The following CYRIB variants were observed in gnomAD, a reference collection of about 807,000 sequenced individuals.
The protein encoded by CYRIB is CYFIP related Rac1 interactor B.
Under a neutral mutation model 44.2 loss-of-function variants are expected in CYRIB, and 8 were observed. The observed-to-expected ratio is 0.18, with a 90% CI of 0.11 to 0.33. The LOEUF is 0.33. Ranked by LOEUF, CYRIB falls within the 10% of genes least tolerant of loss-of-function variation. The probability of loss-of-function intolerance (pLI) is 1.00; values close to 1 mark genes in which losing one functional copy is unlikely to be tolerated. For synonymous variants in CYRIB, 131 were observed against 127.2 expected (o/e 1.03, Z -0.20); for missense variants, 185 against 382.8 (o/e 0.48, Z 4.31).
chr8:129,881,846 T>C (rs1023915485), intron 2 of CYRIB, among the ~76,000 whole-genome samples: 2 of 152,232 alleles, frequency 1.3e-5, no homozygotes, highest in African/African-American at 4.8e-5. Flanking sequence ...AATTACTGTA[T>C]ACATTGTAAA....
chr8:129,857,042 G>T (rs2046542256), intron 5 of CYRIB, among the ~76,000 whole-genome samples: 1 of 152,166 alleles, frequency 6.6e-6, no homozygotes, highest in Non-Finnish European at 1.5e-5. Context: ...ACCAGGTACT[G>T]AACTATTTCT....
rs1484142580 is a variant in CYRIB, at chr8:129,850,820, T to C, written c.713+15A>G. 6.3e-7 allele frequency: 1 copy of C among 1,589,348 alleles called. No individual in the cohort carries two copies. Among genetic ancestry groups the C allele is most frequent in the African/African-American group, 1.3e-5 (1 of 74,436 alleles). On this transcript the variant is annotated intron_variant, in intron 9 of 11. Coordinates refer to ENST00000519824, the Ensembl canonical transcript of CYRIB. Reference sequence around the variant, plus strand: ...AACAGCACTGTTAAAGTGAAAAAGATCAGCTGATACTCACGGTGTTTCCAG... The same window carrying C: ...AACAGCACTGTTAAAGTGAAAAAGACCAGCTGATACTCACGGTGTTTCCAG...
At chr8:129,849,656 C>A in intron 9 of CYRIB, 1 of 242,460 alleles carries the variant, frequency 4.1e-6, no homozygotes, top group Non-Finnish European at 8.1e-6. Context: ...TAACATTATG[C>A]CCCTTACTCC....
At chr8:129,952,947 T>A (rs1487032838) in intron 2 of CYRIB, among the ~76,000 whole-genome samples, 2 of 152,228 alleles carry the variant, frequency 1.3e-5, no homozygotes, top group Non-Finnish European at 2.9e-5. Context: ...CTTGGAACTG[T>A]TACGTGTTAC....
At chr8:129,893,298 G>A (rs564519998) in intron 2 of CYRIB, among the ~76,000 whole-genome samples, 1 of 152,258 alleles carries the variant, frequency 6.6e-6, no homozygotes, top group South Asian at 2.1e-4. Flanking sequence ...TCTGCCAATG[G>A]CTATGATGAA....
intron 3 of CYRIB, among the ~76,000 whole-genome samples, chr8:129,872,149 A>G (rs79699211): frequency 6.6e-6 from 1 of 152,146 alleles, no homozygotes; most frequent in African/African-American, 2.4e-5. Flanking sequence ...GATGAACAGA[A>G]GGTCAAGAAT....
intron 2 of CYRIB, among the ~76,000 whole-genome samples, chr8:129,968,809 A>AT (rs1198289265): frequency 6.6e-6 from 1 of 152,058 alleles, no homozygotes; most frequent in Non-Finnish European, 1.5e-5. Flanking sequence ...TTCTCCAAGT[A>AT]TTGAAGTTTT....
At chr8:129,850,326 A>C (rs1407349564) in intron 9 of CYRIB, 2 of 159,444 alleles carry the variant, frequency 1.3e-5, no homozygotes, top group Non-Finnish European at 2.7e-5. Flanking sequence ...CATACATCAT[A>C]AATGTTTAGA....
Position 130,010,535 on chromosome 8 carries a change from C to G in CYRIB, c.-296+5835G>C, listed in dbSNP as rs545816017. 1.1e-4 allele frequency among the ~76,000 whole-genome samples: 16 copies of G among 152,268 alleles called. 1 individual carries two copies. Among genetic ancestry groups the G allele is most frequent in the South Asian group, 1.0e-3 (5 of 4,832 alleles). ...TCAGCTCACACTGCCTCTCCTCCCC[C>G]GCTCCCTGAAGGCAGCCCCATCTCA... is the stretch of plus-strand genomic sequence containing the variant. On this transcript the variant is annotated intron_variant, in intron 1 of 14. Transcript: ENST00000401979.
chr8:129,923,531 T>TCTG (rs2085231724), intron 1 of CYRIB, among the ~76,000 whole-genome samples: 1 of 152,050 alleles, frequency 6.6e-6, no homozygotes, highest in African/African-American at 2.4e-5. Context: ...CACCTAAGCG[T>TCTG]CCCAAAGTGC....
rs750166103 is a variant in CYRIB, at chr8:129,846,893, G to A, written c.841-19C>T. On this transcript the variant is annotated intron_variant, in intron 10 of 11. Coordinates refer to ENST00000519824, the Ensembl canonical transcript of CYRIB. ...CTTTCATCTAAAGAAAAAGAAAACA[G>A]AAAAGGTAAAACAGCCATTTTTTTC... 1 of 1,543,194 alleles carries A rather than the reference G, an allele frequency of 6.5e-7. No homozygotes were observed. Among genetic ancestry groups the A allele is most frequent in the Non-Finnish European group, 8.7e-7 (1 of 1,144,724 alleles).
chr8:129,942,657 A>G (rs2093799375), upstream of CYRIB, among the ~76,000 whole-genome samples: 1 of 152,262 alleles, frequency 6.6e-6, no homozygotes, highest in Non-Finnish European at 1.5e-5. Flanking sequence ...TGCAAAAAAA[A>G]AGGGCTTACA....
chr8:129,869,439 C>T (rs1310390701), intron 4 of CYRIB, among the ~76,000 whole-genome samples: 1 of 149,112 alleles, frequency 6.7e-6, no homozygotes, highest in Non-Finnish European at 1.5e-5. Flanking sequence ...GTCTCTATAG[C>T]GAGTAAGATT....
intron 1 of CYRIB, among the ~76,000 whole-genome samples, chr8:129,904,874 T>A (rs2074388647): frequency 6.6e-6 from 1 of 152,190 alleles, no homozygotes; most frequent in Non-Finnish European, 1.5e-5. Flanking sequence ...CAAAAATGCA[T>A]ATGGAGTTGG....
At chr8:129,924,505 T>C (rs1278388227) in intron 1 of CYRIB, among the ~76,000 whole-genome samples, 2 of 152,104 alleles carry the variant, frequency 1.3e-5, no homozygotes, top group Non-Finnish European at 2.9e-5. Flanking sequence ...GTAACCATTA[T>C]ACTGAACAAG....
At chr8:129,918,619 A>T (rs2081971383) in intron 1 of CYRIB, among the ~76,000 whole-genome samples, 1 of 152,222 alleles carries the variant, frequency 6.6e-6, no homozygotes. Flanking sequence ...TAGGCCTCAC[A>T]GCACATCATA....
At chr8:129,906,965 G>A (rs2136045661) in intron 1 of CYRIB, among the ~76,000 whole-genome samples, 1 of 152,328 alleles carries the variant, frequency 6.6e-6, no homozygotes, top group East Asian at 1.9e-4. Flanking sequence ...TGCTGGAGAG[G>A]ATGTGGAGAA....
intron 1 of CYRIB, among the ~76,000 whole-genome samples, chr8:129,924,040 G>A (rs2085623746): frequency 6.7e-6 from 1 of 149,100 alleles, no homozygotes; most frequent in African/African-American, 2.5e-5. Flanking sequence ...CAAGGCTGAG[G>A]CAGGAGAACT....
chr8:129,919,631 C>A (rs1351319871), intron 1 of CYRIB, among the ~76,000 whole-genome samples: 1 of 151,964 alleles, frequency 6.6e-6, no homozygotes, highest in East Asian at 1.9e-4. Context: ...TGTCTGGGTG[C>A]CTTACATACT....
Sources: gnomAD v4.1 joint callset for allele counts (sites outside exome capture counted in the v4.1 genomes callset) on GRCh38, gnomAD v4.1.1 for gene constraint, MANE v1.5 for transcripts, NCBI Gene and HGNC (gene_info 2026-07-23, HGNC 2026-07-21) for gene names.